Variants in TENM2 observed in about 807,000 individuals in gnomAD.
TENM2 encodes teneurin transmembrane protein 2.
In TENM2, 52 loss-of-function variants were observed where a neutral mutation model predicts 245.2. That is an observed-to-expected ratio of 0.21 (90% CI 0.17 to 0.27). The LOEUF (loss-of-function observed/expected upper bound fraction) is 0.27. Among genes scored for constraint, TENM2 ranks in the 10% least tolerant of loss-of-function variants. The pLI, the probability that TENM2 is intolerant of heterozygous loss-of-function variation, is 1.00. For synonymous variants in TENM2, 1,363 were observed against 1,438.9 expected, an observed-to-expected ratio of 0.95 and a Z score of 1.19; for missense variants, 3,046 against 3,666.8, an observed-to-expected ratio of 0.83 and a Z score of 4.37.
chr5:167,743,692 T>C (rs13436455), intron 2 of TENM2, among the ~76,000 whole-genome samples: 60,468 of 152,006 alleles, frequency 0.4, 14,090 homozygotes, highest in East Asian at 0.67. Context: ...TATGTTCTTA[T>C]TGACAAGACA....
intron 2 of TENM2, among the ~76,000 whole-genome samples, chr5:167,656,561 G>T (rs1754854947): frequency 1.3e-5 from 2 of 152,046 alleles, no homozygotes; most frequent in African/African-American, 2.4e-5. Context: ...ATGGGAAGAT[G>T]ACTTACTTAT....
At chr5:168,057,745 A>G (rs926554215) in intron 6 of TENM2, among the ~76,000 whole-genome samples, 4 of 152,208 alleles carry the variant, frequency 2.6e-5, no homozygotes, top group African/African-American at 4.8e-5. Flanking sequence ...ATCCACAAGA[A>G]AAGTTATTTC....
the TENM2 span, among the ~76,000 whole-genome samples, chr5:166,982,793 G>GT: frequency 6.8e-6 from 1 of 147,792 alleles, no homozygotes; most frequent in African/African-American, 2.4e-5. Flanking sequence ...GTTTTTTTTG[G>GT]GGGGGGGAGG....
chr5:168,173,151 T>C (rs904258302), intron 13 of TENM2, among the ~76,000 whole-genome samples: 1 of 152,212 alleles, frequency 6.6e-6, no homozygotes, highest in African/African-American at 2.4e-5. Flanking sequence ...CTTTCATTTA[T>C]GAGAATCACA....
chr5:167,671,927 T>C (rs966339143), intron 2 of TENM2, among the ~76,000 whole-genome samples: 1 of 152,062 alleles, frequency 6.6e-6, no homozygotes, highest in East Asian at 1.9e-4. Flanking sequence ...TGATCTTTTA[T>C]GGAACTCATT....
intron 1 of TENM2, among the ~76,000 whole-genome samples, chr5:167,298,383 C>T (rs1433489057): frequency 6.6e-6 from 1 of 152,162 alleles, no homozygotes; most frequent in Non-Finnish European, 1.5e-5. Flanking sequence ...GGGGGCGGAT[C>T]ACGAGGTCAG....
intron 2 of TENM2, among the ~76,000 whole-genome samples, chr5:167,512,574 G>A (rs2127571597): frequency 6.6e-6 from 1 of 152,242 alleles, no homozygotes; most frequent in Admixed American, 6.5e-5. Context: ...AGGAAAAAAG[G>A]AATAGCATCT....
chr5:168,246,855 C>T, exon 27 of TENM2: 1 of 1,614,010 alleles, frequency 6.2e-7, no homozygotes, highest in Non-Finnish European at 8.5e-7. Context: ...TGGCCCGGCA[C>T]AGCATGTCCA....
At chr5:167,101,859 A>ATTTT in the TENM2 span, among the ~76,000 whole-genome samples, 3 of 124,956 alleles carry the variant, frequency 2.4e-5, no homozygotes, top group Non-Finnish European at 5.0e-5. Flanking sequence ...TTATATATAT[A>ATTTT]TATATATATA....
chr5:167,351,853 C>CA (rs71591177), intron 1 of TENM2, among the ~76,000 whole-genome samples: 448 of 148,862 alleles, frequency 3.0e-3, no homozygotes, highest in African/African-American at 7.7e-3. Context: ...AACAAAAAAA[C>CA]AAAAAAAAAA....
intron 2 of TENM2, among the ~76,000 whole-genome samples, chr5:167,448,172 TC>T (rs1316102231): frequency 1.3e-5 from 2 of 152,044 alleles, no homozygotes; most frequent in African/African-American, 4.8e-5. Flanking sequence ...CAATGGCATG[TC>T]CCCCCACCCC....
At chr5:167,431,561 C>T (rs995940844) in intron 2 of TENM2, among the ~76,000 whole-genome samples, 2 of 152,014 alleles carry the variant, frequency 1.3e-5, no homozygotes, top group African/African-American at 4.8e-5. Context: ...ATTATTATAT[C>T]TCTCCTTTCT....
intron 1 of TENM2, among the ~76,000 whole-genome samples, chr5:167,342,080 G>A (rs1411734649): frequency 1.3e-5 from 2 of 152,196 alleles, no homozygotes; most frequent in Admixed American, 1.3e-4. Flanking sequence ...TCTTGCAATA[G>A]TATGGTGTCA....
At chr5:167,908,079 T>G (rs1776244992) in intron 3 of TENM2, among the ~76,000 whole-genome samples, 1 of 152,140 alleles carries the variant, frequency 6.6e-6, no homozygotes, top group Non-Finnish European at 1.5e-5. Flanking sequence ...AAAATCAAAG[T>G]GAGTTTTTGA....
chr5:167,928,668 T>C (rs371082721), intron 3 of TENM2, among the ~76,000 whole-genome samples: 16 of 151,632 alleles, frequency 1.1e-4, no homozygotes, highest in African/African-American at 3.6e-4. Context: ...CCGAGGCAGG[T>C]GGATCACTTG....
the TENM2 span, among the ~76,000 whole-genome samples, chr5:167,143,158 C>A: frequency 2.6e-5 from 4 of 152,142 alleles, no homozygotes; most frequent in Admixed American, 1.3e-4. Flanking sequence ...TCTGTGCAGT[C>A]CTGTTGTGTT....
chr5:167,217,734 A>G, the TENM2 span, among the ~76,000 whole-genome samples: 1 of 148,256 alleles, frequency 6.7e-6, no homozygotes, highest in African/African-American at 2.5e-5. Flanking sequence ...ATATATATAT[A>G]TAATATATGT....
At chr5:168,049,381 G>T (rs979908335) in intron 6 of TENM2, among the ~76,000 whole-genome samples, 2 of 152,170 alleles carry the variant, frequency 1.3e-5, no homozygotes, top group African/African-American at 4.8e-5. Flanking sequence ...CATGTGAAAT[G>T]AATATGCATA....
intron 2 of TENM2, among the ~76,000 whole-genome samples, chr5:167,754,332 C>T (rs1252989941): frequency 3.9e-5 from 6 of 152,060 alleles, no homozygotes; most frequent in Admixed American, 1.3e-4. Flanking sequence ...TAAAGGTAAC[C>T]GACCAGGAAG....
Sources: allele counts gnomAD v4.1 joint callset (sites outside exome capture counted in the v4.1 genomes callset), GRCh38; gene constraint gnomAD v4.1.1; transcripts MANE v1.5; gene names NCBI Gene and HGNC (gene_info 2026-07-23, HGNC 2026-07-21).